ITGBL1: variants seen among roughly 807,000 people sequenced by gnomAD.
The protein encoded by ITGBL1 is integrin beta-like protein 1.
Under a neutral mutation model 68.5 loss-of-function variants are expected in ITGBL1, and 51 were observed. That is an observed-to-expected ratio of 0.74 (90% CI 0.59 to 0.94). The LOEUF (loss-of-function observed/expected upper bound fraction) is 0.94, where lower values mean the gene tolerates loss of function less well. ITGBL1 is among the 40% of genes least tolerant of loss of function. The pLI is 0.00. For synonymous variants in ITGBL1, 209 were observed against 227.3 expected (o/e 0.92, Z 0.72); for missense variants, 649 against 647.4 (o/e 1.00, Z -0.03).
chr13:101,580,186 T>C (rs1168565744), intron 5 of ITGBL1, among the ~76,000 whole-genome samples: 1 of 152,084 alleles, frequency 6.6e-6, no homozygotes, highest in Non-Finnish European at 1.5e-5. Flanking sequence ...TCTTTAAAAC[T>C]AAAAAAATCT....
chr13:101,502,190 T>A (rs1431952416), intron 2 of ITGBL1, among the ~76,000 whole-genome samples: 1 of 152,210 alleles, frequency 6.6e-6, no homozygotes, highest in Non-Finnish European at 1.5e-5. Context: ...CACATTATTA[T>A]TTTTTATTTT....
rs778849600 is a variant in ITGBL1, at chr13:101,583,198, ATTC to A, written c.728-11_728-9del. ...TTTTTCTTGACTGGATTCTTATAAA[ATTC>A]TTCTTCCCACCTAGGGACTTGTGTA... On this transcript the variant is annotated splice_polypyrimidine_tract_variant and intron_variant, in intron 5 of 10. Coordinates refer to ENST00000376180, the MANE Select transcript of ITGBL1 (RefSeq NM_004791.3). 27 of 1,611,262 alleles carry A rather than the reference ATTC, an allele frequency of 1.7e-5. 1 individual carries two copies. The highest frequency in any genetic ancestry group is 1.6e-4 in the Middle Eastern group (1 of 6,074).
chr13:101,602,449 T>G (rs2030441090), intron 7 of ITGBL1, among the ~76,000 whole-genome samples: 1 of 152,050 alleles, frequency 6.6e-6, no homozygotes, highest in Admixed American at 6.6e-5. Context: ...TGAAATATGC[T>G]TTTGAAGAAG....
At chr13:101,521,537 C>A (rs7323806) in intron 2 of ITGBL1, among the ~76,000 whole-genome samples, 19 of 151,844 alleles carry the variant, frequency 1.3e-4, no homozygotes, top group African/African-American at 2.7e-4. Context: ...GATCTGGACC[C>A]AAGGGAATGA....
chr13:101,679,925 C>G (rs1016750579), intron 7 of ITGBL1, among the ~76,000 whole-genome samples: 15 of 152,192 alleles, frequency 9.9e-5, no homozygotes, highest in African/African-American at 3.6e-4. Context: ...CTTAGTTCCT[C>G]ACATAGTCCA....
intron 2 of ITGBL1, among the ~76,000 whole-genome samples, chr13:101,465,762 T>A (rs1399619322): frequency 6.6e-6 from 1 of 152,198 alleles, no homozygotes; most frequent in Non-Finnish European, 1.5e-5. Flanking sequence ...AGGTATGAGG[T>A]TGAGGATCCC....
intron 9 of ITGBL1, chr13:101,713,391 A>G (rs2034569779): frequency 6.6e-6 from 1 of 152,198 alleles, no homozygotes. Context: ...GTTTTGTTAA[A>G]TATGTCAAAA....
chr13:101,554,507 A>G (rs2139220072), intron 2 of ITGBL1, among the ~76,000 whole-genome samples: 1 of 152,350 alleles, frequency 6.6e-6, no homozygotes, highest in African/African-American at 2.4e-5. Flanking sequence ...TGTTCTCACC[A>G]TAGGTCCTCT....
At chr13:101,469,111 T>C (rs556211678) in intron 2 of ITGBL1, among the ~76,000 whole-genome samples, 1 of 152,342 alleles carries the variant, frequency 6.6e-6, no homozygotes, top group African/African-American at 2.4e-5. Context: ...TTACATTTCA[T>C]AAAGTGAGCT....
intron 8 of ITGBL1, among the ~76,000 whole-genome samples, chr13:101,698,152 C>T (rs552024287): frequency 3.4e-4 from 51 of 152,178 alleles, no homozygotes; most frequent in Non-Finnish European, 6.5e-4. Context: ...ACCATAAGAT[C>T]TGTGGCCTTT....
intron 2 of ITGBL1, among the ~76,000 whole-genome samples, chr13:101,479,045 C>G (rs2048577417): frequency 1.3e-5 from 2 of 152,004 alleles, no homozygotes; most frequent in African/African-American, 4.8e-5. Flanking sequence ...ATCATATTAC[C>G]TGACTTCAAA....
chr13:101,622,915 A>ATG (rs59267168), intron 7 of ITGBL1, among the ~76,000 whole-genome samples: 19,801 of 148,388 alleles, frequency 0.13, 2,060 homozygotes, highest in African/African-American at 0.29. Context: ...TGGGGTATGT[A>ATG]TGTGTGTGTG....
chr13:101,499,533 G>A (rs553544544), intron 2 of ITGBL1, among the ~76,000 whole-genome samples: 2 of 152,136 alleles, frequency 1.3e-5, no homozygotes, highest in African/African-American at 2.4e-5. Flanking sequence ...CGTTTCTCCC[G>A]ACTTTGACTT....
intron 7 of ITGBL1, among the ~76,000 whole-genome samples, chr13:101,601,723 T>A (rs574156096): frequency 2.6e-5 from 4 of 152,242 alleles, no homozygotes; most frequent in South Asian, 2.1e-4. Context: ...CAGGTTGTTC[T>A]GTTTCCATGT....
chr13:101,690,674 T>C (rs919088852), intron 7 of ITGBL1, among the ~76,000 whole-genome samples: 8 of 152,216 alleles, frequency 5.3e-5, no homozygotes, highest in African/African-American at 1.7e-4. Context: ...GTTCAGAAAA[T>C]CTAGGTTCTA....
chr13:101,521,811 C>T (rs1035095283), intron 2 of ITGBL1, among the ~76,000 whole-genome samples: 2 of 152,028 alleles, frequency 1.3e-5, no homozygotes, highest in African/African-American at 2.4e-5. Context: ...TCCTTTCTTT[C>T]TTTTTCCTTA....
Position 101,595,065 on chromosome 13 carries a change from CTG to C in ITGBL1, c.869-3084_869-3083del, listed in dbSNP as rs547919354. ...CTCCAGCCTGGGCAATAGAGTGAGACTGTGTCTCAAAAAAGTAAATAAATAAC... is the reference window on the plus strand; with the variant it reads ...CTCCAGCCTGGGCAATAGAGTGAGACTGTCTCAAAAAAGTAAATAAATAAC... On this transcript the variant is annotated intron_variant, in intron 6 of 10. Transcript: ENST00000376180. Among the ~76,000 whole-genome samples the C allele has an allele frequency of 2.4e-3, 360 of 152,248 alleles. 8 individuals are homozygous for C. Among genetic ancestry groups the C allele is most frequent in the Admixed American group, 0.016 (239 of 15,302 alleles).
At chr13:101,460,827 C>A (rs931378609) in intron 2 of ITGBL1, among the ~76,000 whole-genome samples, 16 of 152,038 alleles carry the variant, frequency 1.1e-4, no homozygotes, top group African/African-American at 3.6e-4. Context: ...AAGCAACCAG[C>A]TGTCCTGTGA....
At chr13:101,690,434 G>A (rs2033857760) in intron 7 of ITGBL1, among the ~76,000 whole-genome samples, 1 of 152,224 alleles carries the variant, frequency 6.6e-6, no homozygotes, top group East Asian at 1.9e-4. Context: ...ACCCTGAAAC[G>A]TAGAAACTGG....
Sources: gnomAD v4.1 joint callset for allele counts (sites outside exome capture counted in the v4.1 genomes callset) on GRCh38, gnomAD v4.1.1 for gene constraint, MANE v1.5 for transcripts, NCBI Gene and HGNC (gene_info 2026-07-23, HGNC 2026-07-21) for gene names.